POLR3A: variants seen among roughly 807,000 people sequenced by gnomAD.
POLR3A encodes the protein RNA polymerase III subunit A, also known as DNA-directed RNA polymerase III subunit RPC1.
A neutral mutation model predicts 152.8 loss-of-function variants in POLR3A; 112 were observed. That is an observed-to-expected ratio of 0.73 (90% CI 0.63 to 0.86). The LOEUF (loss-of-function observed/expected upper bound fraction) is 0.86, where lower values mean the gene tolerates loss of function less well. POLR3A is among the 40% of genes least tolerant of loss of function. The pLI, the probability that POLR3A is intolerant of heterozygous loss-of-function variation, is 0.00. For synonymous variants in POLR3A, 615 were observed against 652.1 expected (o/e 0.94, Z 0.87); for missense variants, 1,385 against 1,743.1 (o/e 0.79, Z 3.66).
At chr10:77,991,592 G>A (rs1847248715) in intron 20 of POLR3A, among the ~76,000 whole-genome samples, 1 of 152,016 alleles carries the variant, frequency 6.6e-6, no homozygotes, top group African/African-American at 2.4e-5. Flanking sequence ...GCGCCATCTC[G>A]GCTCACTGCA....
intron 11 of POLR3A, among the ~76,000 whole-genome samples, chr10:78,012,913 A>C (rs11002368): frequency 1.0e-3 from 156 of 152,048 alleles, no homozygotes; most frequent in African/African-American, 3.7e-3. Context: ...GTAGAGATGG[A>C]GTTTCGCCAT....
At chr10:77,991,849 G>A (rs1847251639) in intron 20 of POLR3A, among the ~76,000 whole-genome samples, 1 of 152,102 alleles carries the variant, frequency 6.6e-6, no homozygotes, top group South Asian at 2.1e-4. Flanking sequence ...CCTCTGCTTT[G>A]TCCAAGTTGA....
chr10:78,009,443 G>A, intron 14 of POLR3A, 94 bp downstream of exon 14: 1 of 1,543,868 alleles, frequency 6.5e-7, no homozygotes, highest in Non-Finnish European at 9.0e-7. Context: ...CAATGAATTT[G>A]CTTGCTTCGC....
Position 78,025,054 on chromosome 10 carries a change from T to A in POLR3A, c.407A>T (p.Tyr136Phe), listed in dbSNP as rs1444554658. 6.2e-7 allele frequency: 1 copy of A among 1,614,188 alleles called. No individual in the cohort carries two copies. The highest frequency in any genetic ancestry group is 8.5e-7 in the Non-Finnish European group (1 of 1,180,014). The stretch of plus-strand genomic sequence containing the variant: ...CTTTTTCAGTCCTCGCTTCTGAAGG[T>A]AGGTCAGGCCGGGCCTCTTTAGATA... ...LDYLKRPGLTYLQKRGLKKKI... is the reference protein window; with the variant it reads ...LDYLKRPGLTFLQKRGLKKKI... The change falls in exon 4 of 31, where the codon TAC (tyrosine) becomes TTC (phenylalanine). Residue 136 changes from tyrosine to phenylalanine, a missense_variant. Physicochemically the swap from Tyr to Phe is conservative, Grantham distance 22 (BLOSUM62 3). This residue lies in a region of POLR3A where 493 missense variants were observed against 647.5 expected (regional missense o/e 0.76). Transcript: ENST00000372371.
Position 78,020,616 on chromosome 10 carries a change from G to A in POLR3A, c.1185+930C>T, listed in dbSNP as rs181745806. Among the ~76,000 whole-genome samples, 623 of 151,772 alleles carry A rather than the reference G, an allele frequency of 4.1e-3. 3 individuals are homozygous for A. The highest frequency in any genetic ancestry group is 7.1e-3 in the Non-Finnish European group (480 of 67,944). On this transcript the variant is annotated intron_variant, in intron 8 of 30. Coordinates refer to ENST00000372371, the MANE Select transcript of POLR3A (RefSeq NM_007055.4). ...ATCCTGGCCAACATGGTGAAACTCC[G>A]TCTCTACTAAAAATACAGAAAATTA...
At chr10:78,014,024 A>G (rs1847492403) in intron 10 of POLR3A, among the ~76,000 whole-genome samples, 1 of 152,114 alleles carries the variant, frequency 6.6e-6, no homozygotes, top group Non-Finnish European at 1.5e-5. Flanking sequence ...AGGTGTGGTA[A>G]CACATGCCTA....
Position 78,019,023 on chromosome 10 carries a change from G to A in POLR3A, c.1289+139C>T, listed in dbSNP as rs923396961. On this transcript the variant is annotated intron_variant, in intron 9 of 30. Transcript: ENST00000372371. ...AGCAAATGACATACCTTGGCTCACG[G>A]AAATTTAAACAGATATTTTCCACAT... The A allele has an allele frequency of 3.5e-5, 25 of 718,652 alleles. No homozygotes were observed. In the East Asian group the frequency reaches 6.4e-4, roughly 18 times the overall value. 44.5% of individuals were successfully genotyped at this position (718,652 alleles called of 1,614,324 possible).
intron 25 of POLR3A, 93 bp from the exon 26 acceptor site, chr10:77,984,105 T>A: frequency 8.2e-7 from 1 of 1,224,010 alleles, no homozygotes; most frequent in Non-Finnish European, 1.2e-6. Context: ...TTGAGTAGTG[T>A]GGACGCCACA....
In POLR3A at chr10:77,982,289, G is replaced by A. The variant is rs1466292639; in HGVS notation, c.3624C>T (p.Ser1208=). Residue 1208 remains serine (S), a synonymous_variant, in exon 28 of 31, where the codon TCC becomes TCT. Coordinates refer to ENST00000372371, the MANE Select transcript of POLR3A (RefSeq NM_007055.4). ...GCTCGTCAATGTGGATGACAGCTCTGGACACCTCTGGAATGCCCTGCACCA... is the reference window on the plus strand; with the variant it reads ...GCTCGTCAATGTGGATGACAGCTCTAGACACCTCTGGAATGCCCTGCACCA... ...KVVVQGIPEV[S]RAVIHIDEQS... 6.2e-7 allele frequency: 1 copy of A among 1,613,810 alleles called. No homozygotes were observed. Among genetic ancestry groups the A allele is most frequent in the East Asian group, 2.2e-5 (1 of 44,864 alleles).
At chr10:78,026,378 T>A (rs1847634965) in intron 1 of POLR3A, 149 bp from the exon 2 acceptor site, 1 of 801,646 alleles carries the variant, frequency 1.2e-6, no homozygotes, top group Non-Finnish European at 2.1e-6. Flanking sequence ...CCCTCTCTCA[T>A]TTTTCCTTCA....
rs2131949315 is a variant in POLR3A, at chr10:78,009,649, C to G, written c.1797G>C (p.Gln599His). ...TAGGCCTGAGGATGACACTGAAGATCTGCTTTCCCGTCCACAGGGTGACAG... is the reference window on the plus strand; with the variant it reads ...TAGGCCTGAGGATGACACTGAAGATGTGCTTTCCCGTCCACAGGGTGACAG... Reference protein sequence around the residue: ...LKPVTLWTGKQIFSVILRPSD... With the variant: ...LKPVTLWTGKHIFSVILRPSD... Residue 599 changes from glutamine (Q) to histidine (H), a missense_variant, in exon 14 of 31, where the codon CAG (glutamine) becomes CAC (histidine). Physicochemically the swap from Gln to His is conservative, Grantham distance 24. Around this residue, in one of 7 missense-constraint regions of POLR3A, gnomAD observed 188 missense variants for 179.9 expected, o/e 1.04. Coordinates refer to ENST00000372371, the MANE Select transcript of POLR3A (RefSeq NM_007055.4). 2 of 1,614,170 alleles carry G rather than the reference C, an allele frequency of 1.2e-6. No homozygotes were observed. Among genetic ancestry groups the G allele is most frequent in the East Asian group, 2.2e-5 (1 of 44,866 alleles).
rs190540023 is a variant in POLR3A at position 77,977,757 on chromosome 10, T to C, written c.4025-131A>G. On this transcript the variant is annotated intron_variant, in intron 30 of 30. Transcript: ENST00000372371. ...GCGCCACTCCACATCAACTGAACTT[T>C]GGCAAATCCCTTTCCTTCCCATCTA... 1.4e-4 allele frequency: 109 copies of C among 783,142 alleles called. No individual in the cohort carries two copies. The East Asian group carries it at 2.8e-3, about 20-fold the overall frequency. 48.5% of individuals were successfully genotyped at this position (783,142 alleles called of 1,614,324 possible).
At position 77,993,276 on chromosome 10, in the gene POLR3A, C is replaced by T; in HGVS notation, c.2708G>A (p.Gly903Glu). 6.2e-7 allele frequency: 1 copy of T among 1,612,916 alleles called. No homozygotes were observed. The highest frequency in any genetic ancestry group is 8.5e-7 in the Non-Finnish European group (1 of 1,178,946). ...STGDIIQFIY[G>E]GDGLDPAAME... ...AGCTGCAGGATCTAAGCCATCTCCT[C>T]CATAAATGAACTGGATAATATCGCC... The change falls in exon 20 of 31, where the codon GGA (glycine) becomes GAA (glutamate). Residue 903 changes from glycine to glutamate, a missense_variant. Around this residue, in one of 7 missense-constraint regions of POLR3A, gnomAD observed 178 missense variants for 204.6 expected, o/e 0.87. Coordinates refer to ENST00000372371, the MANE Select transcript of POLR3A (RefSeq NM_007055.4).
chr10:77,984,593 C>A (rs1049499184), intron 24 of POLR3A, among the ~76,000 whole-genome samples: 1 of 152,238 alleles, frequency 6.6e-6, no homozygotes, highest in Admixed American at 6.5e-5. Context: ...CTGCCCGCCT[C>A]AGCCTCCCAA....
In POLR3A at chr10:77,984,007, G is replaced by A. The variant is rs183347762; in HGVS notation, c.3342C>T (p.Ser1114=). The A allele has an allele frequency of 1.5e-5, 24 of 1,602,100 alleles. No individual in the cohort carries two copies. In the East Asian group the frequency reaches 1.6e-4, roughly 10 times the overall value. ...GAAGAAACACTTCTTCAATATACTC[G>A]GAAATCTGGAGTGTCAAAAGATCAG... The part of the protein sequence containing the change: ...RIEKTLLGEI[S]EYIEEVFLPD... Residue 1114 remains serine (S), a synonymous_variant, in exon 26 of 31, where the codon TCC becomes TCT. Transcript: ENST00000372371.
intron 26 of POLR3A, among the ~76,000 whole-genome samples, chr10:77,983,027 T>C (rs533431452): frequency 2.6e-4 from 39 of 152,338 alleles, no homozygotes; most frequent in African/African-American, 9.1e-4. Flanking sequence ...AGTAGTTTTT[T>C]TCACCCACGA....
chr10:78,029,273 C>A, intron 1 of POLR3A, 91 bp downstream of exon 1: 1 of 1,312,376 alleles, frequency 7.6e-7, no homozygotes, highest in Non-Finnish European at 1.1e-6. Flanking sequence ...TCCCATTGCA[C>A]CCCATCTCTG....
At chr10:78,008,973 T>C (rs894099516) in intron 14 of POLR3A, among the ~76,000 whole-genome samples, 1 of 151,008 alleles carries the variant, frequency 6.6e-6, no homozygotes, top group African/African-American at 2.4e-5. Flanking sequence ...GCCAACACGG[T>C]GAAACCCCGT....
At position 78,021,024 on chromosome 10, in the gene POLR3A, T is replaced by C. The variant is rs113148593; in HGVS notation, c.1185+522A>G. On this transcript the variant is annotated intron_variant, in intron 8 of 30. Coordinates refer to ENST00000372371, the MANE Select transcript of POLR3A (RefSeq NM_007055.4). ...TCACTCTCACCCAGGCTAGAGTGCATTGACGTGATCTTGGCTCACAACCTC... is the reference window on the plus strand; with the variant it reads ...TCACTCTCACCCAGGCTAGAGTGCACTGACGTGATCTTGGCTCACAACCTC... 3.6e-3 allele frequency among the ~76,000 whole-genome samples: 548 copies of C among 152,192 alleles called. 2 individuals are homozygous for C. Among genetic ancestry groups the C allele is most frequent in the African/African-American group, 0.012 (495 of 41,534 alleles).
Sources: allele counts gnomAD v4.1 joint callset (sites outside exome capture counted in the v4.1 genomes callset), GRCh38; gene constraint gnomAD v4.1.1; regional missense constraint gnomAD v4.1.1; transcripts MANE v1.5; gene names NCBI Gene and HGNC (gene_info 2026-07-23, HGNC 2026-07-21).